Variants in DPYD observed in about 807,000 individuals in gnomAD.
DPYD encodes the protein dihydropyrimidine dehydrogenase [NADP(+)].
In DPYD, 109 loss-of-function variants were observed where a neutral mutation model predicts 116.2. That is an observed-to-expected ratio of 0.94 (90% CI 0.80 to 1.10). DPYD has a LOEUF of 1.10. DPYD is among the 50% of genes least tolerant of loss of function. The pLI is 0.00. For synonymous variants in DPYD, 440 were observed against 432.0 expected (o/e 1.02, Z -0.23); for missense variants, 1,302 against 1,254.5 (o/e 1.04, Z -0.57).
intron 16 of DPYD, among the ~76,000 whole-genome samples, chr1:97,317,660 A>G (rs1667939295): frequency 6.6e-6 from 1 of 152,008 alleles, no homozygotes; most frequent in South Asian, 2.1e-4. Context: ...CAGTATTTTT[A>G]TAATTCCATA....
intron 8 of DPYD, among the ~76,000 whole-genome samples, chr1:97,658,426 G>A (rs1042773263): frequency 1.3e-5 from 2 of 152,050 alleles, no homozygotes; most frequent in South Asian, 4.2e-4. Flanking sequence ...TTGATTATAT[G>A]TACATAGGGA....
rs1672024046 is a variant in DPYD, at chr1:97,382,393, C to T, written c.1974G>A (p.Glu658=). The stretch of plus-strand genomic sequence containing the variant: ...AAATATATACTAAAGTAACCATTAC[C>T]TCAGACTTCTTGGCAAGTTCCGTCC... The part of the protein sequence containing the change: ...NDWTELAKKS[E]DSGADALELN... Residue 658 remains glutamate, a splice_region_variant and synonymous_variant, in exon 15 of 23, where the codon GAG becomes GAA. Transcript: ENST00000370192. 1.3e-6 allele frequency: 2 copies of T among 1,584,824 alleles called. No homozygotes were observed. The highest frequency in any genetic ancestry group is 1.7e-6 in the Non-Finnish European group (2 of 1,160,572).
chr1:97,442,244 G>T (rs926761152), intron 14 of DPYD, among the ~76,000 whole-genome samples: 1 of 151,700 alleles, frequency 6.6e-6, no homozygotes, highest in Non-Finnish European at 1.5e-5. Context: ...CTATCTCTCA[G>T]TGACCACTCT....
chr1:97,131,498 CAAG>C (rs140617101), intron 20 of DPYD, among the ~76,000 whole-genome samples: 45,368 of 151,792 alleles, frequency 0.3, 7,125 homozygotes, highest in Middle Eastern at 0.41. Context: ...GGGATGTGCA[CAAG>C]AAGAAGATCA....
chr1:97,427,759 A>T (rs748747107), intron 14 of DPYD, among the ~76,000 whole-genome samples: 1 of 152,034 alleles, frequency 6.6e-6, no homozygotes, highest in Non-Finnish European at 1.5e-5. Context: ...CCAGAAATAG[A>T]TATTAATCCT....
intron 14 of DPYD, among the ~76,000 whole-genome samples, chr1:97,408,156 A>G (rs1673782770): frequency 1.3e-5 from 2 of 152,136 alleles, no homozygotes; most frequent in Non-Finnish European, 2.9e-5. Context: ...CAGACTCTTT[A>G]GGAATGAAGA....
chr1:97,557,308 C>CTTTT (rs796245332), intron 11 of DPYD, among the ~76,000 whole-genome samples: 123 of 107,146 alleles, frequency 1.1e-3, no homozygotes, highest in African/African-American at 1.5e-3. Flanking sequence ...TTTTTCTTTT[C>CTTTT]TTTTTTTTTT....
At chr1:97,805,998 T>C (rs1209997710) in intron 3 of DPYD, among the ~76,000 whole-genome samples, 8 of 151,878 alleles carry the variant, frequency 5.3e-5, no homozygotes, top group Admixed American at 6.6e-5. Flanking sequence ...ATTCAAATCA[T>C]AGTTGGAGAT....
intron 20 of DPYD, among the ~76,000 whole-genome samples, chr1:97,172,492 T>G (rs747478452): frequency 6.6e-6 from 1 of 152,188 alleles, no homozygotes; most frequent in African/African-American, 2.4e-5. Flanking sequence ...AAGAAAGACA[T>G]AGCTAATGCT....
intron 2 of DPYD, among the ~76,000 whole-genome samples, chr1:97,829,469 A>G (rs1359862336): frequency 6.6e-6 from 1 of 152,116 alleles, no homozygotes. Flanking sequence ...TTTTGGGTAT[A>G]TACATTAAAA....
intron 10 of DPYD, among the ~76,000 whole-genome samples, chr1:97,579,059 C>A (rs910194793): frequency 6.6e-6 from 1 of 152,296 alleles, no homozygotes; most frequent in Admixed American, 6.5e-5. Flanking sequence ...AACATTCTAT[C>A]CTTTATGTCC....
chr1:97,501,139 T>C (rs1679551969), intron 13 of DPYD, among the ~76,000 whole-genome samples: 1 of 151,974 alleles, frequency 6.6e-6, no homozygotes, highest in Non-Finnish European at 1.5e-5. Context: ...GTGGGTAATA[T>C]TATATAACAA....
intron 16 of DPYD, among the ~76,000 whole-genome samples, chr1:97,327,540 TA>T (rs1668769900): frequency 6.6e-6 from 1 of 151,918 alleles, no homozygotes; most frequent in South Asian, 2.1e-4. Flanking sequence ...GAAATAAAAT[TA>T]AAAAGGTCTA....
At chr1:97,691,955 T>C (rs1661031412) in intron 6 of DPYD, among the ~76,000 whole-genome samples, 157 bp from the exon 7 acceptor site, 1 of 152,194 alleles carries the variant, frequency 6.6e-6, no homozygotes. Flanking sequence ...TGAGGACATC[T>C]ACATTCTTAT....
rs184980452 is a variant in DPYD, at chr1:97,274,540, A to G, written c.2299+30719T>C. On this transcript the variant is annotated intron_variant, in intron 18 of 22. Coordinates refer to ENST00000370192, the MANE Select transcript of DPYD (RefSeq NM_000110.4). ...GGAAACAATTAAACCTCTTTTCTTTATAAATTACCCAGCCTTGGGTATTCC... is the reference window on the plus strand; with the variant it reads ...GGAAACAATTAAACCTCTTTTCTTTGTAAATTACCCAGCCTTGGGTATTCC... 8.7e-4 allele frequency among the ~76,000 whole-genome samples: 133 copies of G among 152,256 alleles called. 1 individual carries two copies. The East Asian group carries it at 0.02, about 23-fold the overall frequency.
chr1:97,220,301 T>A (rs1474728102), intron 19 of DPYD, among the ~76,000 whole-genome samples: 1 of 152,174 alleles, frequency 6.6e-6, no homozygotes, highest in Non-Finnish European at 1.5e-5. Context: ...TCATGTGATG[T>A]CCTGCCCCAC....
chr1:97,409,808 T>G (rs1391605401), intron 14 of DPYD, among the ~76,000 whole-genome samples: 1 of 152,134 alleles, frequency 6.6e-6, no homozygotes, highest in East Asian at 1.9e-4. Flanking sequence ...TCTTTAAAAC[T>G]ACAGGGCCAG....
At chr1:97,233,151 T>C (rs563236803) in intron 19 of DPYD, among the ~76,000 whole-genome samples, 1 of 152,298 alleles carries the variant, frequency 6.6e-6, no homozygotes, top group South Asian at 2.1e-4. Context: ...GCATGGCTCC[T>C]GGTTACTGCT....
intron 5 of DPYD, among the ~76,000 whole-genome samples, chr1:97,714,691 G>A (rs1662511619): frequency 6.7e-6 from 1 of 148,922 alleles, no homozygotes; most frequent in Non-Finnish European, 1.5e-5. Flanking sequence ...AGCCGTATGT[G>A]TTGGTCTTAC....
Sources: gnomAD v4.1 joint callset for allele counts (sites outside exome capture counted in the v4.1 genomes callset) on GRCh38, gnomAD v4.1.1 for gene constraint, MANE v1.5 for transcripts, NCBI Gene and HGNC (gene_info 2026-07-23, HGNC 2026-07-21) for gene names.